Variants in COL6A2 observed in about 807,000 individuals in gnomAD.
COL6A2 encodes the protein collagen alpha-2(VI) chain.
In COL6A2, 90 loss-of-function variants were observed where a neutral mutation model predicts 124.9. That is an observed-to-expected ratio of 0.72 (90% confidence interval 0.61 to 0.86). The LOEUF is 0.86. Ranked by LOEUF, COL6A2 falls within the 40% of genes least tolerant of loss-of-function variation. COL6A2 has a pLI of 0.00. For synonymous variants in COL6A2, 793 were observed against 618.2 expected (o/e 1.28, Z -4.19); for missense variants, 1,607 against 1,502.5 (o/e 1.07, Z -1.15).
In COL6A2 at chr21:46,132,140, G is replaced by A. The variant is rs2078768920; in HGVS notation, c.2648G>A (p.Gly883Asp). 1 of 1,573,758 alleles carries A rather than the reference G, an allele frequency of 6.4e-7. No individual in the cohort carries two copies. Among genetic ancestry groups the A allele is most frequent in the Non-Finnish European group, 8.6e-7 (1 of 1,161,938 alleles). Reference protein sequence around the residue: ...LNARVALLQFGGPGEQQVAFP... With the variant: ...LNARVALLQFDGPGEQQVAFP... Reference sequence around the variant, plus strand: ...GCACGCGTGGCGCTGCTGCAGTTTGGTGGCCCCGGCGAGCAGCAGGTGGCC... The same window carrying A: ...GCACGCGTGGCGCTGCTGCAGTTTGATGGCCCCGGCGAGCAGCAGGTGGCC... The change falls in exon 28 of 28, where the codon GGT becomes GAT. Residue 883 changes from glycine to aspartate, a missense_variant. Around this residue, in one of 3 missense-constraint regions of COL6A2, gnomAD observed 1,223 missense variants for 1,052.2 expected, o/e 1.16. Transcript: ENST00000300527.
intron 5 of COL6A2, among the ~76,000 whole-genome samples, chr21:46,114,745 T>A (rs879435103): frequency 6.6e-6 from 1 of 152,178 alleles, no homozygotes; most frequent in Non-Finnish European, 1.5e-5. Context: ...ATTTTCTGGT[T>A]TGAACATCCC....
intron 24 of COL6A2, 46 bp downstream of exon 24, chr21:46,125,357 A>T (rs2078644585): frequency 6.2e-7 from 1 of 1,604,100 alleles, no homozygotes; most frequent in Admixed American, 1.7e-5. Flanking sequence ...CACCGGGTGG[A>T]GGGCGGGAGT....
Position 46,118,662 on chromosome 21 carries a change from G to T in COL6A2, c.1165G>T (p.Ala389Ser), listed in dbSNP as rs577375420. ...CAGAGGGCCCCCGGGAGAAATCGGGGCCAAGGGAAGCAAGGTGAGCCCCTC... is the reference window on the plus strand; with the variant it reads ...CAGAGGGCCCCCGGGAGAAATCGGGTCCAAGGGAAGCAAGGTGAGCCCCTC... Reference protein sequence around the residue: ...GRRGPPGEIGAKGSKGYQGNS... With the variant: ...GRRGPPGEIGSKGSKGYQGNS... Residue 389 changes from alanine (A) to serine (S), a missense_variant, in exon 13 of 28, where the codon GCC becomes TCC. Ala to Ser is a moderately conservative substitution (Grantham distance 99, BLOSUM62 1). This residue lies in a region of COL6A2 where 1,223 missense variants were observed against 1,052.2 expected (regional missense o/e 1.16). Coordinates refer to ENST00000300527, the MANE Select transcript of COL6A2 (RefSeq NM_001849.4). The T allele has an allele frequency of 6.8e-6, 11 of 1,611,140 alleles. No homozygotes were observed. In the East Asian group the frequency reaches 2.5e-4, roughly 36 times the overall value.
chr21:46,118,088 G>A (rs2078504697), intron 12 of COL6A2, 152 bp downstream of exon 12: 3 of 764,176 alleles, frequency 3.9e-6, no homozygotes, highest in Non-Finnish European at 6.3e-6. Context: ...GGTGGAGGGT[G>A]CCCTGCCCGT....
intron 17 of COL6A2, 73 bp downstream of exon 17, chr21:46,121,196 C>T: frequency 2.8e-6 from 4 of 1,428,766 alleles, no homozygotes; most frequent in South Asian, 1.2e-5. Flanking sequence ...TGGGGACAGC[C>T]TGGAGCTAGC....
chr21:46,126,179 G>A lies in COL6A2; in HGVS notation c.2364G>A (p.Leu788=), dbSNP rs1435498497. 3 of 1,607,256 alleles carry A rather than the reference G, an allele frequency of 1.9e-6. No individual in the cohort carries two copies. The highest frequency in any genetic ancestry group is 2.7e-5 in the African/African-American group (2 of 75,052). ...DKPQQVRNMT[L]FSDLVAEKFI... ...CACAGCAGGTGCGCAACATGACGCT[G>A]TTCTCCGACCTGGTCGCTGAGAAGT... is the stretch of plus-strand genomic sequence containing the variant. The change falls in exon 26 of 28, where the codon CTG becomes CTA. Residue 788 remains leucine (L), a synonymous_variant. Coordinates refer to ENST00000300527, the MANE Select transcript of COL6A2 (RefSeq NM_001849.4).
At chr21:46,124,333 TTGG>T (rs1011221433) in intron 21 of COL6A2, among the ~76,000 whole-genome samples, 6 of 151,398 alleles carry the variant, frequency 4.0e-5, no homozygotes, top group African/African-American at 1.5e-4. Flanking sequence ...GGGCGTGGAG[TTGG>T]TGGGTACATG....
At chr21:46,115,375 CA>C (rs1351976782) in intron 5 of COL6A2, among the ~76,000 whole-genome samples, 1 of 152,188 alleles carries the variant, frequency 6.6e-6, no homozygotes. Flanking sequence ...GGGAGCATAT[CA>C]ATAAATAGAT....
intron 1 of COL6A2, among the ~76,000 whole-genome samples, chr21:46,099,425 T>A: frequency 8.5e-6 from 1 of 116,974 alleles, no homozygotes; most frequent in South Asian, 2.8e-4. Flanking sequence ...GCCACTGCAC[T>A]CCAGCCTGGG....
In COL6A2 at chr21:46,116,743, G is replaced by A. The variant is rs768009954; in HGVS notation, c.955-27G>A. 6.2e-7 allele frequency: 1 copy of A among 1,612,990 alleles called. No individual in the cohort carries two copies. The highest frequency in any genetic ancestry group is 1.3e-5 in the African/African-American group (1 of 74,916). ...TCAGGGCAGAAGGACCGGGGCTAAT[G>A]GAGTTCCCTCTTCCTTCTCTCTTCA... On this transcript the variant is annotated intron_variant, in intron 9 of 27. Coordinates refer to ENST00000300527, the MANE Select transcript of COL6A2 (RefSeq NM_001849.4). The surrounding 1 kb of genome is among the most constrained non-coding windows in gnomAD (Gnocchi z 4.6).
At chr21:46,120,945 C>T in intron 16 of COL6A2, 116 bp from the exon 17 acceptor site, 2 of 967,122 alleles carry the variant, frequency 2.1e-6, no homozygotes, top group Admixed American at 3.7e-5. Flanking sequence ...GTCATAGGGG[C>T]CGGGGCCAGA....
Position 46,132,643 on chromosome 21 carries a change from G to GCT in COL6A2, c.*93_*94dup. The GCT allele has an allele frequency of 7.7e-7, 1 of 1,306,712 alleles. No homozygotes were observed. Among genetic ancestry groups the GCT allele is most frequent in the South Asian group, 1.3e-5 (1 of 79,406 alleles). 80.9% of individuals were successfully genotyped at this position (1,306,712 alleles called of 1,614,324 possible). On this transcript the variant is annotated 3_prime_UTR_variant, in exon 28 of 28. Transcript: ENST00000300527. ...CGGGTCCCACACGGCCAGCACCGCT[G>GCT]CTCACTCGGACGACGCCCTGGGCCT...
At position 46,102,245 on chromosome 21, in the gene COL6A2, T is replaced by A. The variant is rs1021922373; in HGVS notation, c.-28+4072T>A. Among the ~76,000 whole-genome samples, 4 of 152,240 alleles carry A rather than the reference T, an allele frequency of 2.6e-5. No individual in the cohort carries two copies. In the East Asian group the frequency reaches 7.7e-4, roughly 29 times the overall value. ...AAGTGATTTTTATGTGTTTACTATGTATTCTGCTATTTTGCTGAATTTGTT... is the reference window on the plus strand; with the variant it reads ...AAGTGATTTTTATGTGTTTACTATGAATTCTGCTATTTTGCTGAATTTGTT... On this transcript the variant is annotated intron_variant, in intron 1 of 27. Transcript: ENST00000300527.
chr21:46,112,433 G>C lies in COL6A2; in HGVS notation c.570G>C (p.Val190=). The stretch of plus-strand genomic sequence containing the variant: ...AGGAGGGCATCCGGCTCTTCGCCGT[G>C]GCCCCCAACCAGAACCTGAAGGAGC... ...AREEGIRLFA[V]APNQNLKEQG... The change falls in exon 3 of 28, where the codon GTG becomes GTC. Residue 190 remains valine (V), a synonymous_variant. Transcript: ENST00000300527. The C allele has an allele frequency of 6.2e-7, 1 of 1,609,580 alleles. No homozygotes were observed. Among genetic ancestry groups the C allele is most frequent in the South Asian group, 1.1e-5 (1 of 91,038 alleles).
At position 46,112,516 on chromosome 21, in the gene COL6A2, C is replaced by T. The variant is rs2078418061; in HGVS notation, c.653C>T (p.Thr218Ile). Residue 218 changes from threonine (T) to isoleucine (I), a missense_variant, in exon 3 of 28, where the codon ACC (threonine) becomes ATC (isoleucine). By Grantham distance (89) the Thr-to-Ile change is moderately conservative. Coordinates refer to ENST00000300527, the MANE Select transcript of COL6A2 (RefSeq NM_001849.4). Reference protein sequence around the residue: ...PHELYRNDYATMLPDSTEIDQ... With the variant: ...PHELYRNDYAIMLPDSTEIDQ... ...GAGCTCTACCGCAACGACTACGCCA[C>T]CATGCTGCCCGACTCCACCGAGATC... 6.2e-7 allele frequency: 1 copy of T among 1,606,206 alleles called. No individual in the cohort carries two copies. Among genetic ancestry groups the T allele is most frequent in the Non-Finnish European group, 8.5e-7 (1 of 1,178,084 alleles).
chr21:46,124,792 C>A (rs535016961), intron 22 of COL6A2, 79 bp downstream of exon 22: 53 of 1,598,168 alleles, frequency 3.3e-5, no homozygotes, highest in Non-Finnish European at 4.5e-5. Context: ...GTTCTGCCCA[C>A]GGTGGACCCA....
chr21:46,101,439 A>G (rs957527665), intron 1 of COL6A2, among the ~76,000 whole-genome samples: 3 of 151,924 alleles, frequency 2.0e-5, no homozygotes, highest in Admixed American at 6.6e-5. Flanking sequence ...TGATTTATCT[A>G]TTTTTTCTTA....
At position 46,126,206 on chromosome 21, in the gene COL6A2, C is replaced by A; in HGVS notation, c.2391C>A (p.Phe797Leu). 6.2e-7 allele frequency: 1 copy of A among 1,601,768 alleles called. No homozygotes were observed. The highest frequency in any genetic ancestry group is 8.5e-7 in the Non-Finnish European group (1 of 1,179,498). ...TCTCCGACCTGGTCGCTGAGAAGTT[C>A]ATCGATGACATGGAGGACGTCCTCT... The part of the protein sequence containing the change: ...TLFSDLVAEK[F>L]IDDMEDVLCP... The change falls in exon 26 of 28, where the codon TTC becomes TTA. Residue 797 changes from phenylalanine to leucine, a missense_variant. Physicochemically the swap from Phe to Leu is conservative, Grantham distance 22. Coordinates refer to ENST00000300527, the MANE Select transcript of COL6A2 (RefSeq NM_001849.4).
chr21:46,119,195 A>G (rs2078523055), intron 14 of COL6A2, 76 bp downstream of exon 14: 19 of 1,145,090 alleles, frequency 1.7e-5, no homozygotes, highest in Admixed American at 2.0e-5. Context: ...CCATGGGGGA[A>G]GGGCACCTGG....
Sources: gnomAD v4.1 joint callset for allele counts (sites outside exome capture counted in the v4.1 genomes callset) on GRCh38, gnomAD v4.1.1 for gene constraint, gnomAD v4.1.1 regional missense constraint, Gnocchi (gnomAD v3.1) non-coding constraint, MANE v1.5 for transcripts, NCBI Gene and HGNC (gene_info 2026-07-23, HGNC 2026-07-21) for gene names.